Variants in BSDC1 observed in about 807,000 individuals in gnomAD.
The protein encoded by BSDC1 is BSD domain-containing protein 1.
Under a neutral mutation model 56.0 loss-of-function variants are expected in BSDC1, and 29 were observed. The observed-to-expected ratio is 0.52, with a 90% CI of 0.39 to 0.71. The LOEUF is 0.71. BSDC1 is among the 30% of genes least tolerant of loss of function. The pLI, the probability that BSDC1 is intolerant of heterozygous loss-of-function variation, is 0.00. For missense variants in BSDC1, 477 were observed against 548.5 expected (o/e 0.87, Z 1.30); for synonymous variants, 210 against 215.3 (o/e 0.98, Z 0.21).
chr1:32,380,892 TG>T (rs1557647936), intron 5 of BSDC1, among the ~76,000 whole-genome samples: 1 of 152,086 alleles, frequency 6.6e-6, no homozygotes, highest in Non-Finnish European at 1.5e-5. Context: ...GTTCCCATAA[TG>T]GGGTTTGCTG....
At chr1:32,380,015 A>G (rs1642427728) in intron 5 of BSDC1, among the ~76,000 whole-genome samples, 2 of 152,202 alleles carry the variant, frequency 1.3e-5, no homozygotes, top group African/African-American at 4.8e-5. Flanking sequence ...TGGGCTTCAA[A>G]GGGTCAAAGA....
rs189557595 is a variant in BSDC1 at position 32,378,071 on chromosome 1, C to T, written c.598-23G>A. The T allele has an allele frequency of 1.9e-4, 312 of 1,601,686 alleles. 3 individuals are homozygous for T. The East Asian group carries it at 5.3e-3, about 27-fold the overall frequency. On this transcript the variant is annotated intron_variant, in intron 7 of 10. Coordinates refer to ENST00000455895, the MANE Select transcript of BSDC1 (RefSeq NM_018045.8). This position sits in a 1 kb window ranked among gnomAD's most constrained non-coding sequence, Gnocchi z 5.2. ...CTCCTGAATGTGGGGGAGCAGAAGG[C>T]CACAGGCAGTCAGGGCACCCTCTTC... is the stretch of plus-strand genomic sequence containing the variant.
chr1:32,368,161 C>T (rs993348352), intron 10 of BSDC1: 91 of 1,430,454 alleles, frequency 6.4e-5, no homozygotes, highest in Admixed American at 1.4e-4. Flanking sequence ...TGTGAGCCAC[C>T]GCGCTCAGCA....
Position 32,365,902 on chromosome 1 carries a change from C to A in BSDC1, c.*720G>T, listed in dbSNP as rs963823415. ...AGGGGAAGAAACGCAAGAGCGAACTCCTGCAGGTGGCACAGCTGGGCTAAG... is the reference window on the plus strand; with the variant it reads ...AGGGGAAGAAACGCAAGAGCGAACTACTGCAGGTGGCACAGCTGGGCTAAG... On this transcript the variant is annotated 3_prime_UTR_variant, in exon 11 of 11. Coordinates refer to ENST00000455895, the MANE Select transcript of BSDC1 (RefSeq NM_018045.8). 6.5e-6 allele frequency: 1 copy of A among 152,994 alleles called. No individual in the cohort carries two copies. The highest frequency in any genetic ancestry group is 2.4e-5 in the African/African-American group (1 of 41,452). The allele number at this position is 152,994 out of a possible 1,614,324, so 9.5% of individuals were successfully genotyped here.
Position 32,378,901 on chromosome 1 carries a change from C to T in BSDC1, c.413-62G>A, listed in dbSNP as rs967775053. 4.5e-6 allele frequency: 5 copies of T among 1,110,900 alleles called. No individual in the cohort carries two copies. The African/African-American group carries it at 6.5e-5, about 14-fold the overall frequency. 68.8% of individuals were successfully genotyped at this position (1,110,900 alleles called of 1,614,324 possible). A position where few individuals can be genotyped will look rare whatever the true frequency, so the allele number is the denominator to read the frequency against. On this transcript the variant is annotated intron_variant, in intron 5 of 10. Transcript: ENST00000455895. This position sits in a 1 kb window ranked among gnomAD's most constrained non-coding sequence, Gnocchi z 5.2. ...GTCTGGGAAAAGAACACTGGGCTTA[C>T]AGAACATATCTAAGGCTGGACATGG... is the stretch of plus-strand genomic sequence containing the variant.
chr1:32,370,384 T>G (rs1570102390), intron 9 of BSDC1, among the ~76,000 whole-genome samples: 2 of 152,304 alleles, frequency 1.3e-5, no homozygotes, highest in Admixed American at 1.3e-4. Flanking sequence ...ATAAGCCCTG[T>G]GAGTGCCAGG....
chr1:32,380,257 C>T (rs990194933), intron 5 of BSDC1, among the ~76,000 whole-genome samples: 1 of 152,212 alleles, frequency 6.6e-6, no homozygotes, highest in Non-Finnish European at 1.5e-5. Context: ...TACTAAAAGG[C>T]GGGTGCTCCC....
At chr1:32,371,771 T>C (rs1346229347) in intron 9 of BSDC1, among the ~76,000 whole-genome samples, 1 of 152,134 alleles carries the variant, frequency 6.6e-6, no homozygotes, top group Non-Finnish European at 1.5e-5. Flanking sequence ...CCTTCTATGG[T>C]ATCCTGCATC....
Position 32,383,676 on chromosome 1 carries a change from G to C in BSDC1, c.357+154C>G, listed in dbSNP as rs1642565156. On this transcript the variant is annotated intron_variant, in intron 4 of 10. Coordinates refer to ENST00000455895, the MANE Select transcript of BSDC1 (RefSeq NM_018045.8). ...TTGTGAGTTTAAAAATAATTATCCT[G>C]TCCTTGCTTACTGGTATTTTCTGAT... is the stretch of plus-strand genomic sequence containing the variant. 3.9e-5 allele frequency among the ~76,000 whole-genome samples: 6 copies of C among 152,236 alleles called. No individual in the cohort carries two copies. In the South Asian group the frequency reaches 1.2e-3, roughly 32 times the overall value.
At chr1:32,384,125 A>C in intron 3 of BSDC1, 128 bp from the exon 4 acceptor site, 1 of 1,329,668 alleles carries the variant, frequency 7.5e-7, no homozygotes, top group Non-Finnish European at 1.0e-6. Flanking sequence ...ACGACCCTTC[A>C]CCCGTCTCTG....
At chr1:32,371,886 C>T (rs1372424313) in intron 9 of BSDC1, among the ~76,000 whole-genome samples, 1 of 151,908 alleles carries the variant, frequency 6.6e-6, no homozygotes, top group East Asian at 1.9e-4. Context: ...TGGCTTCAGT[C>T]TATTTATAAA....
chr1:32,370,999 C>G (rs1210083117), intron 9 of BSDC1, among the ~76,000 whole-genome samples: 1 of 151,920 alleles, frequency 6.6e-6, no homozygotes, highest in Non-Finnish European at 1.5e-5. Flanking sequence ...GATTCTGATG[C>G]CTGTCTGTAC....
chr1:32,377,822 G>A (rs1557644372), intron 8 of BSDC1, 148 bp downstream of exon 8: 2 of 607,308 alleles, frequency 3.3e-6, no homozygotes, highest in East Asian at 3.1e-5. Context: ...CCCCTTGTTA[G>A]CTCCGCCTAT....
chr1:32,367,310 G>A (rs1464161426), intron 10 of BSDC1: 6 of 985,328 alleles, frequency 6.1e-6, no homozygotes, highest in Admixed American at 6.1e-5. Context: ...CTGCACGTCA[G>A]GTTTTAAAGG....
chr1:32,367,013 G>C (rs568702944), intron 10 of BSDC1: 1 of 1,035,580 alleles, frequency 9.7e-7, no homozygotes, highest in East Asian at 8.0e-5. Flanking sequence ...GAGAAGCAGA[G>C]AACTCAGGAG....
In BSDC1 at chr1:32,369,413, G is replaced by A; in HGVS notation, c.1157-863C>T. The A allele has an allele frequency of 6.1e-6, 4 of 660,742 alleles. No homozygotes were observed. In the South Asian group the frequency reaches 6.7e-5, roughly 11 times the overall value. 40.9% of individuals were successfully genotyped at this position (660,742 alleles called of 1,614,324 possible). A position where few individuals can be genotyped will look rare whatever the true frequency, so the allele number is the denominator to read the frequency against. On this transcript the variant is annotated intron_variant, in intron 9 of 10. Coordinates refer to ENST00000455895, the MANE Select transcript of BSDC1 (RefSeq NM_018045.8). ...AGTCCCAGCTACTCAGGAGGCTGAG[G>A]TGTGGTGATCACTTGAGCCCAGGAG...
At chr1:32,383,779 A>G in intron 4 of BSDC1, 51 bp downstream of exon 4, 1 of 1,575,332 alleles carries the variant, frequency 6.3e-7, no homozygotes, top group Non-Finnish European at 8.7e-7. Context: ...TGGAAGTTAA[A>G]GCCCAGGTTA....
intron 2 of BSDC1, 58 bp from the exon 3 acceptor site, chr1:32,386,953 G>T: frequency 1.5e-6 from 2 of 1,357,112 alleles, no homozygotes; most frequent in Non-Finnish European, 2.1e-6. Flanking sequence ...CCTTGTTCCT[G>T]TTCCCTGTGT....
chr1:32,386,818 G>A lies in BSDC1; in HGVS notation c.150C>T (p.Thr50=). ...TGACCACGCTGGCCGTGGCTGCGAT[G>A]GTACAGGCCGTGTCATGCTGCACCA... ...TQVVQHDTAC[T]IAATASVVKE... Residue 50 remains threonine (T), a synonymous_variant, in exon 3 of 11, where the codon ACC becomes ACT. Coordinates refer to ENST00000455895, the MANE Select transcript of BSDC1 (RefSeq NM_018045.8). 6.2e-7 allele frequency: 1 copy of A among 1,612,628 alleles called. No homozygotes were observed.
Sources: allele counts gnomAD v4.1 joint callset (sites outside exome capture counted in the v4.1 genomes callset), GRCh38; gene constraint gnomAD v4.1.1; non-coding constraint Gnocchi (gnomAD v3.1); transcripts MANE v1.5; gene names NCBI Gene and HGNC (gene_info 2026-07-23, HGNC 2026-07-21).